The following ALG1L2 variants were observed in gnomAD, a reference collection of about 807,000 sequenced individuals.
ALG1L2 encodes putative glycosyltransferase ALG1L2.
In ALG1L2, 32 loss-of-function variants were observed where a neutral mutation model predicts 29.0. That is an observed-to-expected ratio of 1.10 (90% CI 0.83 to 1.48). ALG1L2 has a LOEUF of 1.48. Among genes scored for constraint, ALG1L2 ranks in the 40% most tolerant of loss-of-function variants. The probability of loss-of-function intolerance (pLI) is 0.00; values close to 1 mark genes in which losing one functional copy is unlikely to be tolerated. For synonymous variants in ALG1L2, 110 were observed against 109.5 expected (o/e 1.00, Z -0.03); for missense variants, 318 against 274.1 (o/e 1.16, Z -1.13).
At chr3:130,097,353 G>T in intron 7 of ALG1L2, 103 bp downstream of exon 7, 1 of 1,496,638 alleles carries the variant, frequency 6.7e-7, no homozygotes, top group Non-Finnish European at 8.9e-7. Context: ...GGGACCATGC[G>T]GGGTCTGGCG....
chr3:130,097,265 C>T lies in ALG1L2; in HGVS notation c.615+15C>T. 3.1e-6 allele frequency: 5 copies of T among 1,605,430 alleles called. No individual in the cohort carries two copies. Among genetic ancestry groups the T allele is most frequent in the South Asian group, 2.2e-5 (2 of 90,974 alleles). The stretch of plus-strand genomic sequence containing the variant: ...CTCAGCTGCAGGTAGCCATGTCTGC[C>T]ACCACGCCAGGGTGGACAGGGTTCT... On this transcript the variant is annotated intron_variant, in intron 7 of 7. Coordinates refer to ENST00000425059, the MANE Select transcript of ALG1L2 (RefSeq NM_001136152.1).
At chr3:130,097,095 G>A in intron 6 of ALG1L2, 80 bp from the exon 7 acceptor site, 2 of 1,578,750 alleles carry the variant, frequency 1.3e-6, no homozygotes, top group Non-Finnish European at 1.7e-6. Flanking sequence ...AGCGTGGGGT[G>A]GGTGGGAGCC....
chr3:130,086,093 CCT>C (rs1934885498), intron 1 of ALG1L2, among the ~76,000 whole-genome samples: 1 of 151,566 alleles, frequency 6.6e-6, no homozygotes, highest in South Asian at 2.1e-4. Context: ...ACCACGATCC[CCT>C]CTTGGCCCCA....
intron 1 of ALG1L2, among the ~76,000 whole-genome samples, chr3:130,085,125 A>C (rs1273247607): frequency 7.9e-6 from 1 of 126,650 alleles, no homozygotes; most frequent in Admixed American, 8.5e-5. Flanking sequence ...TGCCCAACTA[A>C]TTTTTTTGTA....
chr3:130,094,738 C>G (rs1935093955), intron 5 of ALG1L2, among the ~76,000 whole-genome samples: 1 of 152,238 alleles, frequency 6.6e-6, no homozygotes, highest in South Asian at 2.1e-4. Flanking sequence ...AAGCCACGTC[C>G]TTTCAGCCTG....
chr3:130,093,029 G>GAAAAA (rs71158104), intron 3 of ALG1L2, 72 bp from the exon 4 acceptor site: 121 of 1,014,990 alleles, frequency 1.2e-4, no homozygotes, highest in East Asian at 6.9e-4. Context: ...GAGTCTGTCA[G>GAAAAA]AAAAAAAAAA....
At chr3:130,089,292 G>GTGCT (rs1934959170) in intron 1 of ALG1L2, 1 of 152,386 alleles carries the variant, frequency 6.6e-6, no homozygotes, top group South Asian at 2.1e-4. Context: ...TCACCAAAGG[G>GTGCT]TGCTAAACAA....
Position 130,092,190 on chromosome 3 carries a change from C to T in ALG1L2, c.221C>T (p.Pro74Leu), listed in dbSNP as rs879272133. Residue 74 changes from proline to leucine, a missense_variant, in exon 3 of 8, where the codon CCA becomes CTA. Physicochemically the swap from Pro to Leu is moderately conservative, Grantham distance 98. Coordinates refer to ENST00000425059, the MANE Select transcript of ALG1L2 (RefSeq NM_001136152.1). ...SGLVTRLHER[P>L]ALLVSSTSWT... ...CTGGTGACGCGTCTCCACGAGCGGCCAGCCCTGCTGGTCAGCAGCACAAGC... is the reference window on the plus strand; with the variant it reads ...CTGGTGACGCGTCTCCACGAGCGGCTAGCCCTGCTGGTCAGCAGCACAAGC... 1.2e-6 allele frequency: 2 copies of T among 1,612,138 alleles called. No individual in the cohort carries two copies. The highest frequency in any genetic ancestry group is 1.3e-5 in the African/African-American group (1 of 74,978).
intron 5 of ALG1L2, among the ~76,000 whole-genome samples, chr3:130,095,410 TTATTATTATTATTATTA>T (rs1559788681): frequency 5.2e-4 from 42 of 80,846 alleles, no homozygotes; most frequent in Admixed American, 2.5e-3. Context: ...GTGCTGTGGT[TTATTATTATTATTATTA>T]TTATTATTAT....
At chr3:130,082,360 G>T (rs1420366266) in intron 1 of ALG1L2, among the ~76,000 whole-genome samples, 4 of 129,206 alleles carry the variant, frequency 3.1e-5, no homozygotes, top group Non-Finnish European at 3.6e-5. Context: ...GTTTTGTTTT[G>T]AGAAAGAGTC....
chr3:130,093,544 A>G (rs1935065380), intron 4 of ALG1L2, among the ~76,000 whole-genome samples: 1 of 151,176 alleles, frequency 6.6e-6, no homozygotes. Context: ...CTCATGCCTC[A>G]GCCTCCAGAG....
chr3:130,094,472 G>A lies in ALG1L2; in HGVS notation c.383G>A (p.Cys128Tyr). The change falls in exon 5 of 8, where the codon TGC becomes TAC. Residue 128 changes from cysteine to tyrosine, a missense_variant. Physicochemically the swap from Cys to Tyr is radical, Grantham distance 194. Transcript: ENST00000425059. ...AAGCATTTCCAGCACATCCAGGTCT[G>A]CATCCCCTGGCTGGAGGGCCGAGGA... is the stretch of plus-strand genomic sequence containing the variant. ...HQKHFQHIQV[C>Y]IPWLEGRGLP... 6.3e-7 allele frequency: 1 copy of A among 1,596,148 alleles called. No individual in the cohort carries two copies. The highest frequency in any genetic ancestry group is 8.5e-7 in the Non-Finnish European group (1 of 1,179,620).
At chr3:130,097,107 A>T (rs1274153620) in intron 6 of ALG1L2, 68 bp from the exon 7 acceptor site, 1 of 1,592,448 alleles carries the variant, frequency 6.3e-7, no homozygotes, top group Non-Finnish European at 8.6e-7. Flanking sequence ...GTGGGAGCCC[A>T]GCTGGGCACC....
At chr3:130,097,718 C>T (rs990095815) in intron 7 of ALG1L2, among the ~76,000 whole-genome samples, 12 of 152,136 alleles carry the variant, frequency 7.9e-5, no homozygotes, top group African/African-American at 2.9e-4. Flanking sequence ...ACTGGGTCCC[C>T]CAGTCTCTGT....
At position 130,093,121 on chromosome 3, in the gene ALG1L2, G is replaced by A; in HGVS notation, c.274G>A (p.Asp92Asn). The change falls in exon 4 of 8, where the codon GAC becomes AAC. Residue 92 changes from aspartate to asparagine, a missense_variant. By Grantham distance (23) the Asp-to-Asn change is conservative. Transcript: ENST00000425059. Reference protein sequence around the residue: ...SWTEFEQLTLDGQNLPSLVCV... With the variant: ...SWTEFEQLTLNGQNLPSLVCV... ...CACAGAGTTTGAACAACTGACTCTT[G>A]ACGGACAGAACCTTCCTTCTCTCGT... The A allele has an allele frequency of 5.0e-6, 8 of 1,604,794 alleles. No homozygotes were observed. Among genetic ancestry groups the A allele is most frequent in the Non-Finnish European group, 6.8e-6 (8 of 1,176,442 alleles).
chr3:130,083,392 T>C (rs1485088475), intron 1 of ALG1L2, among the ~76,000 whole-genome samples: 13 of 120,418 alleles, frequency 1.1e-4, no homozygotes, highest in Middle Eastern at 5.4e-3. Flanking sequence ...TGCAGTGAGC[T>C]GAGATCTCAC....
Position 130,092,095 on chromosome 3 carries a change from C to T in ALG1L2, c.132-6C>T, listed in dbSNP as rs1336246592. 6.2e-6 allele frequency: 10 copies of T among 1,613,434 alleles called. No homozygotes were observed. The highest frequency in any genetic ancestry group is 3.3e-5 in the South Asian group (3 of 91,030). ...CCTCTCACAGGGTTTTTTTCTGCTC[C>T]TTCAGCTCAGAACCTGAGGACCCAG... On this transcript the variant is annotated splice_region_variant and splice_polypyrimidine_tract_variant and intron_variant, in intron 2 of 7. Transcript: ENST00000425059.
At chr3:130,095,688 C>T (rs189947395) in intron 5 of ALG1L2, among the ~76,000 whole-genome samples, 20 of 152,034 alleles carry the variant, frequency 1.3e-4, no homozygotes, top group Admixed American at 3.3e-4. Flanking sequence ...GTGATCCGCC[C>T]GCCTTGGCCT....
At chr3:130,097,119 C>T in intron 6 of ALG1L2, 56 bp from the exon 7 acceptor site, 8 of 1,602,902 alleles carry the variant, frequency 5.0e-6, no homozygotes, top group Non-Finnish European at 6.8e-6. Flanking sequence ...CTGGGCACCC[C>T]AGGGGTCTAG....
Sources: allele counts gnomAD v4.1 joint callset (sites outside exome capture counted in the v4.1 genomes callset), GRCh38; gene constraint gnomAD v4.1.1; transcripts MANE v1.5; gene names NCBI Gene and HGNC (gene_info 2026-07-23, HGNC 2026-07-21).